The following MCF2 variants were observed in gnomAD, a reference collection of about 807,000 sequenced individuals.
The protein encoded by MCF2 is MCF.2 cell line derived transforming sequence, also known as proto-oncogene DBL.
In MCF2, 44 loss-of-function variants were observed where a neutral mutation model predicts 82.5. The ratio of observed to expected loss-of-function variants is 0.53; its 90% CI spans 0.42 to 0.69. The LOEUF (loss-of-function observed/expected upper bound fraction) is 0.69, where lower values mean the gene tolerates loss of function less well. Among genes scored for constraint, MCF2 ranks in the 30% least tolerant of loss-of-function variants. MCF2 has a pLI of 0.00. For missense variants in MCF2, 623 were observed against 663.1 expected (o/e 0.94, Z 0.66); for synonymous variants, 217 against 224.9 (o/e 0.96, Z 0.32).
At chrX:139,623,663 A>T (rs1569364670) in intron 6 of MCF2, among the ~76,000 whole-genome samples, 2 of 70,181 alleles carry the variant, frequency 2.8e-5, no homozygotes, top group Non-Finnish European at 5.7e-5. Flanking sequence ...TCACACCTCA[A>T]ATGTAACAGT....
At chrX:139,647,028 C>A (rs1383159777), upstream of MCF2, 2 of 439,622 alleles carry the variant, frequency 4.5e-6, no homozygotes, top group East Asian at 8.6e-5. Context: ...ATGATCTCCA[C>A]ATAAAACCAA....
chrX:139,648,085 A>G (rs1412098028), intron 2 of MCF2, among the ~76,000 whole-genome samples: 1 of 111,925 alleles, frequency 8.9e-6, no homozygotes. Flanking sequence ...ATAGAAAAGG[A>G]TACAGGCCGG....
At chrX:139,687,048 C>T (rs753280795) in intron 1 of MCF2, among the ~76,000 whole-genome samples, 9 of 44,643 alleles carry the variant, frequency 2.0e-4, no homozygotes, top group African/African-American at 4.4e-4. Flanking sequence ...TGCACACACA[C>T]AACACACACA....
At chrX:139,696,012 T>C (rs950002730) in intron 1 of MCF2, among the ~76,000 whole-genome samples, 3 of 112,300 alleles carry the variant, frequency 2.7e-5, no homozygotes, top group Non-Finnish European at 5.6e-5. Flanking sequence ...CTAATTTGCA[T>C]AGCACATTCA....
At chrX:139,702,031 A>G (rs2148587678) in intron 1 of MCF2, among the ~76,000 whole-genome samples, 1 of 111,254 alleles carries the variant, frequency 9.0e-6, no homozygotes, top group African/African-American at 3.3e-5. Flanking sequence ...CTCCCACTGC[A>G]ATGGTTTACC....
chrX:139,687,977 C>T (rs901188612), intron 1 of MCF2, among the ~76,000 whole-genome samples: 2 of 111,436 alleles, frequency 1.8e-5, no homozygotes, highest in Non-Finnish European at 3.8e-5. Flanking sequence ...TATCTTGTTC[C>T]CTAGTTCGTA....
At chrX:139,654,043 G>A (rs1981908011) in intron 1 of MCF2, among the ~76,000 whole-genome samples, 1 of 111,697 alleles carries the variant, frequency 9.0e-6, no homozygotes, top group Admixed American at 9.5e-5. Flanking sequence ...CCATTCATCT[G>A]TTGAATGGCA....
Position 139,687,111 on chromosome X carries a change from C to G in MCF2, c.-45+20995G>C, listed in dbSNP as rs190207971. 2.7e-5 allele frequency among the ~76,000 whole-genome samples: 3 copies of G among 111,658 alleles called. No homozygotes were observed. The Admixed American group carries it at 2.9e-4, about 11-fold the overall frequency. On this transcript the variant is annotated intron_variant, in intron 1 of 27. Coordinates refer to the MCF2 transcript ENST00000414978. ...ACACTCACTCTGCTTCAGCCATACC[C>G]GTCTCTTTCTTGTTCCTTGAACTTG...
chrX:139,607,647 C>T lies in MCF2; in HGVS notation c.1490+44G>A, dbSNP rs369669690. Reference sequence around the variant, plus strand: ...CCTTGAACACTGAACCAGACTCCCACAGTTAGATGTGTATGTGAGTTTATA... The same window carrying T: ...CCTTGAACACTGAACCAGACTCCCATAGTTAGATGTGTATGTGAGTTTATA... On this transcript the variant is annotated intron_variant, in intron 12 of 24. Coordinates refer to ENST00000370576, the Ensembl canonical transcript of MCF2. 1.8e-5 allele frequency: 17 copies of T among 933,623 alleles called. No homozygotes were observed. In the African/African-American group the frequency reaches 3.1e-4, roughly 17 times the overall value. The allele number at this position is 933,623 out of a possible 1,213,427, so 76.9% of individuals were successfully genotyped here. A position where few individuals can be genotyped will look rare whatever the true frequency, so the allele number is the denominator to read the frequency against.
At position 139,638,466 on chromosome X, in the gene MCF2, G is replaced by C. The variant is rs1231066046; in HGVS notation, c.51+4002C>G. On this transcript the variant is annotated intron_variant, in intron 1 of 24. Transcript: ENST00000370576. ...ATTCATACTCCTCCTATATGACGAG[G>C]AGCAACAGGAAGTGGTGGGGACCAT... Among the ~76,000 whole-genome samples, 3 of 111,451 alleles carry C rather than the reference G, an allele frequency of 2.7e-5. No individual in the cohort carries two copies. In the East Asian group the frequency reaches 8.5e-4, roughly 32 times the overall value.
At chrX:139,686,652 C>A (rs566958738) in intron 1 of MCF2, among the ~76,000 whole-genome samples, 1 of 111,887 alleles carries the variant, frequency 8.9e-6, no homozygotes, top group South Asian at 3.8e-4. Context: ...CTTGCTAAAG[C>A]CAAAAATGTT....
At chrX:139,630,752 C>T (rs748592635) in intron 3 of MCF2, among the ~76,000 whole-genome samples, 15 of 111,925 alleles carry the variant, frequency 1.3e-4, no homozygotes, top group Non-Finnish European at 2.3e-4. Flanking sequence ...AGTCAAGATA[C>T]TCATATACCA....
intron 1 of MCF2, among the ~76,000 whole-genome samples, chrX:139,659,316 A>T (rs1250576861): frequency 9.0e-6 from 1 of 111,413 alleles, no homozygotes; most frequent in African/African-American, 3.3e-5. Context: ...AAAAATTAAA[A>T]AAAAAACTAT....
intron 1 of MCF2, chrX:139,691,774 A>C: frequency 2.1e-6 from 1 of 481,801 alleles, no homozygotes. Context: ...GGGGTTGTAT[A>C]GACTGGAAAA....
intron 19 of MCF2, among the ~76,000 whole-genome samples, chrX:139,595,665 C>T (rs1051653328): frequency 2.3e-4 from 25 of 106,990 alleles, no homozygotes; most frequent in African/African-American, 7.5e-4. Flanking sequence ...CAGCGTGGCA[C>T]ATGTATACAT....
intron 11 of MCF2, among the ~76,000 whole-genome samples, chrX:139,609,860 A>C (rs1931367915): frequency 8.9e-6 from 1 of 112,248 alleles, no homozygotes; most frequent in African/African-American, 3.2e-5. Context: ...AAACAACAAC[A>C]AAAAAGAATG....
At chrX:139,646,942 T>C (rs769445543), upstream of MCF2, 2 of 772,945 alleles carry the variant, frequency 2.6e-6, no homozygotes, top group South Asian at 2.6e-5. Context: ...ATTAAAAATG[T>C]ATATAACAAC....
chrX:139,700,235 G>A (rs1935462616), intron 1 of MCF2, among the ~76,000 whole-genome samples: 1 of 110,956 alleles, frequency 9.0e-6, no homozygotes, highest in South Asian at 3.9e-4. Flanking sequence ...CTTTTCTCTG[G>A]TTTAGGTTCC....
intron 1 of MCF2, among the ~76,000 whole-genome samples, chrX:139,706,838 C>T (rs1453904278): frequency 9.1e-6 from 1 of 109,944 alleles, no homozygotes; most frequent in African/African-American, 3.3e-5. Flanking sequence ...CTTTATACTG[C>T]GTCAGACTCT....
Sources: allele counts gnomAD v4.1 joint callset (sites outside exome capture counted in the v4.1 genomes callset), GRCh38; gene constraint gnomAD v4.1.1; transcripts MANE v1.5; gene names NCBI Gene and HGNC (gene_info 2026-07-23, HGNC 2026-07-21).